The following RALYL variants were observed in gnomAD, a reference collection of about 807,000 sequenced individuals.
RALYL encodes the protein RALY RNA binding protein like.
A neutral mutation model predicts 35.1 loss-of-function variants in RALYL; 29 were observed. The observed-to-expected ratio is 0.83, with a 90% confidence interval of 0.61 to 1.13. The LOEUF (loss-of-function observed/expected upper bound fraction) is 1.13, where lower values mean the gene tolerates loss of function less well. RALYL is among the 50% of genes most tolerant of loss of function. The pLI is 0.00. For missense variants in RALYL, 359 were observed against 360.4 expected, an observed-to-expected ratio of 1.00 and a Z score of 0.03; for synonymous variants, 120 against 127.6, an observed-to-expected ratio of 0.94 and a Z score of 0.40.
At chr8:84,582,504 A>T (rs1811064946) in intron 2 of RALYL, among the ~76,000 whole-genome samples, 1 of 152,142 alleles carries the variant, frequency 6.6e-6, no homozygotes, top group Non-Finnish European at 1.5e-5. Flanking sequence ...ATTCCACTTA[A>T]CTAAATCTAA....
chr8:84,237,807 A>G (rs1161424758), intron 1 of RALYL, among the ~76,000 whole-genome samples: 1 of 152,176 alleles, frequency 6.6e-6, no homozygotes, highest in Non-Finnish European at 1.5e-5. Flanking sequence ...GTGAAAGAAC[A>G]TTTCAGATTG....
rs943416339 is a variant in RALYL, at chr8:84,395,448, T to A, written c.-23-133851T>A. On this transcript the variant is annotated intron_variant, in intron 1 of 8. Coordinates refer to ENST00000521268, the MANE Select transcript of RALYL (RefSeq NM_173848.7). ...TGAAAATACGTGAGGATTTCTGTGA[T>A]CAAATATTTGTTATCTTTTTGTAAA... 2.0e-5 allele frequency among the ~76,000 whole-genome samples: 3 copies of A among 151,922 alleles called. No homozygotes were observed. In the East Asian group the frequency reaches 5.8e-4, roughly 29 times the overall value.
Position 84,365,750 on chromosome 8 carries a change from C to T in RALYL, c.-23-163549C>T, listed in dbSNP as rs571944379. Among the ~76,000 whole-genome samples the T allele has an allele frequency of 2.6e-5, 4 of 152,228 alleles. No individual in the cohort carries two copies. In the South Asian group the frequency reaches 8.3e-4, roughly 32 times the overall value. On this transcript the variant is annotated intron_variant, in intron 1 of 8. Coordinates refer to ENST00000521268, the MANE Select transcript of RALYL (RefSeq NM_173848.7). Reference sequence around the variant, plus strand: ...CAACAGAAGGCAGTTATGGGTTTTACTCAGAAAATGAATTTTTTAGAAGGA... The same window carrying T: ...CAACAGAAGGCAGTTATGGGTTTTATTCAGAAAATGAATTTTTTAGAAGGA...
intron 1 of RALYL, among the ~76,000 whole-genome samples, chr8:84,493,592 T>A (rs1043058881): frequency 1.3e-5 from 2 of 152,158 alleles, no homozygotes; most frequent in African/African-American, 4.8e-5. Flanking sequence ...TCTTGACTTT[T>A]TAATAATCAC....
At chr8:84,333,903 T>G (rs1003170834) in intron 1 of RALYL, among the ~76,000 whole-genome samples, 1 of 152,246 alleles carries the variant, frequency 6.6e-6, no homozygotes, top group Non-Finnish European at 1.5e-5. Flanking sequence ...TTTCCCCCCT[T>G]GGGACACGGT....
Position 84,351,268 on chromosome 8 carries a change from T to G in RALYL, c.-24+166844T>G, listed in dbSNP as rs1356855736. Among the ~76,000 whole-genome samples, 3 of 150,278 alleles carry G rather than the reference T, an allele frequency of 2.0e-5. 1 individual carries two copies. Among genetic ancestry groups the G allele is most frequent in the Non-Finnish European group, 4.4e-5 (3 of 67,724 alleles). On this transcript the variant is annotated intron_variant, in intron 1 of 8. Coordinates refer to ENST00000521268, the MANE Select transcript of RALYL (RefSeq NM_173848.7). ...ATCAATAAGAGGAAAACTTTAAGTA[T>G]TCTCATATATTACTTTTCTGAAACT...
intron 7 of RALYL, among the ~76,000 whole-genome samples, chr8:84,874,933 T>A (rs2135266229): frequency 6.6e-6 from 1 of 152,268 alleles, no homozygotes. Context: ...CGGCTCATTT[T>A]TAAAAAACAT....
intron 1 of RALYL, among the ~76,000 whole-genome samples, chr8:84,224,246 C>G (rs928454355): frequency 7.2e-5 from 11 of 152,174 alleles, no homozygotes; most frequent in African/African-American, 2.7e-4. Flanking sequence ...CTAAGAGTTA[C>G]TTTCCCAAAT....
chr8:84,608,729 C>A (rs1817678905), intron 2 of RALYL, among the ~76,000 whole-genome samples: 1 of 152,110 alleles, frequency 6.6e-6, no homozygotes, highest in Admixed American at 6.6e-5. Flanking sequence ...GCCACTGTAA[C>A]ATCTCATTGC....
intron 1 of RALYL, among the ~76,000 whole-genome samples, chr8:84,503,486 A>C (rs2056884244): frequency 6.6e-6 from 1 of 152,174 alleles, no homozygotes; most frequent in South Asian, 2.1e-4. Flanking sequence ...AGAATAAATA[A>C]TATTGTTAAT....
chr8:84,280,258 T>C (rs1836277180), intron 1 of RALYL, among the ~76,000 whole-genome samples: 2 of 152,188 alleles, frequency 1.3e-5, no homozygotes, highest in South Asian at 4.1e-4. Flanking sequence ...AATACTTACA[T>C]TAAATTTCAG....
At chr8:84,364,711 C>A (rs567974168) in intron 1 of RALYL, among the ~76,000 whole-genome samples, 5 of 152,176 alleles carry the variant, frequency 3.3e-5, no homozygotes, top group African/African-American at 1.2e-4. Flanking sequence ...CATCACATAG[C>A]ATTTTTTAAA....
chr8:84,200,252 A>T (rs1320811722), intron 1 of RALYL, among the ~76,000 whole-genome samples: 1 of 152,150 alleles, frequency 6.6e-6, no homozygotes, highest in Non-Finnish European at 1.5e-5. Context: ...AGTACACTAA[A>T]CAAAATAAAT....
intron 1 of RALYL, among the ~76,000 whole-genome samples, chr8:84,500,829 G>A (rs573572814): frequency 1.8e-4 from 27 of 152,166 alleles, no homozygotes; most frequent in African/African-American, 4.1e-4. Flanking sequence ...TTCTATCCCC[G>A]CTGAGTAGAT....
chr8:84,653,244 A>G (rs1463900598), intron 2 of RALYL, among the ~76,000 whole-genome samples: 2 of 152,098 alleles, frequency 1.3e-5, no homozygotes, highest in Non-Finnish European at 2.9e-5. Flanking sequence ...AAAAACCAAT[A>G]TTCAACAAAA....
chr8:84,536,058 TA>T (rs2059586639), intron 2 of RALYL, among the ~76,000 whole-genome samples: 1 of 152,216 alleles, frequency 6.6e-6, no homozygotes, highest in Middle Eastern at 3.2e-3. Context: ...TAAAACTCAG[TA>T]AGTGCGTTTC....
At chr8:84,525,953 CTTTTTT>C (rs35794329) in intron 1 of RALYL, among the ~76,000 whole-genome samples, 6,810 of 104,882 alleles carry the variant, frequency 0.065, 154 homozygotes, top group East Asian at 0.15. Flanking sequence ...TTTCTTTTTT[CTTTTTT>C]TTTTTTTTTT....
chr8:84,694,144 C>CAAAG (rs1030795896), intron 2 of RALYL, among the ~76,000 whole-genome samples: 5 of 151,776 alleles, frequency 3.3e-5, no homozygotes, highest in Non-Finnish European at 7.4e-5. Context: ...AAAAGGCATC[C>CAAAG]AAATTGGAAA....
At chr8:84,299,618 G>A (rs536542161) in intron 1 of RALYL, among the ~76,000 whole-genome samples, 1 of 151,888 alleles carries the variant, frequency 6.6e-6, no homozygotes, top group African/African-American at 2.4e-5. Context: ...TGGTTGGTCG[G>A]CTTTTAATTA....
Sources: allele counts gnomAD v4.1 joint callset (sites outside exome capture counted in the v4.1 genomes callset), GRCh38; gene constraint gnomAD v4.1.1; transcripts MANE v1.5; gene names NCBI Gene and HGNC (gene_info 2026-07-23, HGNC 2026-07-21).